RHEB: variants seen among roughly 807,000 people sequenced by gnomAD.
The protein encoded by RHEB is Ras homolog, mTORC1 binding, also known as GTP-binding protein Rheb.
Under a neutral mutation model 28.8 loss-of-function variants are expected in RHEB, and 2 were observed. The ratio of observed to expected loss-of-function variants is 0.07; its 90% CI spans 0.03 to 0.22. The LOEUF is 0.22. Among genes scored for constraint, RHEB ranks in the 10% least tolerant of loss-of-function variants. The probability of loss-of-function intolerance (pLI) is 1.00; values close to 1 mark genes in which losing one functional copy is unlikely to be tolerated. For missense variants in RHEB, 76 were observed against 219.9 expected (o/e 0.35, Z 4.14); for synonymous variants, 69 against 77.3 (o/e 0.89, Z 0.56).
chr7:151,517,724 C>G (rs1485733225), intron 1 of RHEB, among the ~76,000 whole-genome samples: 1 of 151,946 alleles, frequency 6.6e-6, no homozygotes, highest in Non-Finnish European at 1.5e-5. Flanking sequence ...AAAACTAGCC[C>G]TGCTCACCAA....
intron 1 of RHEB, chr7:151,502,770 G>A: frequency 1.3e-6 from 2 of 1,484,900 alleles, no homozygotes; most frequent in South Asian, 2.3e-5. Context: ...ACATAACTAT[G>A]TTCAGAAAGT....
At chr7:151,507,359 T>C (rs1336873045) in intron 1 of RHEB, among the ~76,000 whole-genome samples, 1 of 152,130 alleles carries the variant, frequency 6.6e-6, no homozygotes, top group African/African-American at 2.4e-5. Context: ...GGAGGGGTGA[T>C]ATGTGTTGTA....
intron 3 of RHEB, among the ~76,000 whole-genome samples, chr7:151,482,279 G>T (rs1354576263): frequency 6.6e-6 from 1 of 152,168 alleles, no homozygotes; most frequent in Non-Finnish European, 1.5e-5. Context: ...GGATCTCGCT[G>T]TGTTGCCCAG....
At chr7:151,488,213 A>C (rs913174209) in intron 2 of RHEB, among the ~76,000 whole-genome samples, 1 of 152,254 alleles carries the variant, frequency 6.6e-6, no homozygotes, top group African/African-American at 2.4e-5. Flanking sequence ...GTACACTTGC[A>C]TAAGTAGTAC....
intron 1 of RHEB, among the ~76,000 whole-genome samples, chr7:151,514,348 A>C (rs1803039737): frequency 6.6e-6 from 1 of 152,202 alleles, no homozygotes; most frequent in Non-Finnish European, 1.5e-5. Flanking sequence ...CAAAAGCATA[A>C]GTGGCAGGAG....
At chr7:151,475,829 A>C (rs1788190318) in intron 4 of RHEB, among the ~76,000 whole-genome samples, 1 of 152,260 alleles carries the variant, frequency 6.6e-6, no homozygotes, top group South Asian at 2.1e-4. Flanking sequence ...AATATATATT[A>C]CATGGTAAGT....
rs992590062 is a variant in RHEB at position 151,519,834 on chromosome 7, A to G, written c.-323T>C. ...GACGTTTTACTTTAAAGGCAAAAAA[A>G]GGGGACGCCGCGATGCCCCCAGAAA... is the stretch of plus-strand genomic sequence containing the variant. On this transcript the variant is annotated 5_prime_UTR_variant, in exon 1 of 8. Transcript: ENST00000262187. 2.5e-5 allele frequency: 6 copies of G among 241,640 alleles called. No individual in the cohort carries two copies. The Admixed American group carries it at 2.8e-4, about 11-fold the overall frequency. 15.0% of individuals were successfully genotyped at this position (241,640 alleles called of 1,614,324 possible).
At chr7:151,503,202 A>G in intron 1 of RHEB, 1 of 783,566 alleles carries the variant, frequency 1.3e-6, no homozygotes, top group South Asian at 1.3e-5. Context: ...CTCCAAAGCA[A>G]GAAAAGGATA....
At chr7:151,467,791 T>TCAGCCC (rs1480334971) in intron 7 of RHEB, among the ~76,000 whole-genome samples, 3 of 152,218 alleles carry the variant, frequency 2.0e-5, no homozygotes, top group African/African-American at 7.2e-5. Flanking sequence ...GCCCTCAGCC[T>TCAGCCC]CAGCCCAGGG....
intron 2 of RHEB, among the ~76,000 whole-genome samples, chr7:151,490,301 A>T (rs77770267): frequency 0.065 from 9,921 of 152,248 alleles, 1,015 homozygotes; most frequent in African/African-American, 0.23. Flanking sequence ...ATAAATAAAT[A>T]GTCTCATGGT....
chr7:151,508,634 G>GTTTT (rs35707066), intron 1 of RHEB, among the ~76,000 whole-genome samples: 5 of 142,886 alleles, frequency 3.5e-5, no homozygotes, highest in African/African-American at 7.8e-5. Flanking sequence ...TATATTTTTA[G>GTTTT]TTTTTTTTTT....
intron 3 of RHEB, among the ~76,000 whole-genome samples, chr7:151,484,196 C>T (rs564401954): frequency 6.6e-6 from 1 of 152,238 alleles, no homozygotes; most frequent in East Asian, 1.9e-4. Flanking sequence ...CCCTCTTATG[C>T]CTTTCCTCTA....
At chr7:151,499,613 C>T (rs1170793538) in intron 1 of RHEB, among the ~76,000 whole-genome samples, 1 of 152,146 alleles carries the variant, frequency 6.6e-6, no homozygotes, top group Non-Finnish European at 1.5e-5. Flanking sequence ...TACCACAATC[C>T]CATATTCAAT....
intron 2 of RHEB, among the ~76,000 whole-genome samples, chr7:151,485,226 G>A (rs1312380268): frequency 3.3e-5 from 5 of 152,202 alleles, no homozygotes; most frequent in Non-Finnish European, 5.9e-5. Flanking sequence ...GCTAATATTA[G>A]TTAAGTGCTA....
intron 3 of RHEB, among the ~76,000 whole-genome samples, chr7:151,482,961 C>T (rs1802404022): frequency 6.6e-6 from 1 of 152,188 alleles, no homozygotes; most frequent in South Asian, 2.1e-4. Context: ...AGCCCCAACT[C>T]CTATTCTTCT....
intron 1 of RHEB, chr7:151,498,222 A>C: frequency 9.2e-7 from 1 of 1,085,606 alleles, no homozygotes; most frequent in Non-Finnish European, 1.2e-6. Context: ...AAAGTACTGG[A>C]GGCAATTAAG....
At chr7:151,473,154 G>A (rs1018826104) in intron 4 of RHEB, among the ~76,000 whole-genome samples, 1 of 152,218 alleles carries the variant, frequency 6.6e-6, no homozygotes, top group Non-Finnish European at 1.5e-5. Context: ...GTGATGGAAT[G>A]TCCCTTTTGC....
chr7:151,483,421 A>G (rs1278225882), intron 3 of RHEB, among the ~76,000 whole-genome samples: 2 of 152,160 alleles, frequency 1.3e-5, no homozygotes, highest in East Asian at 1.9e-4. Flanking sequence ...TCCTTTGATT[A>G]TAAGTTGCAA....
Position 151,472,382 on chromosome 7 carries a change from TG to T in RHEB, c.276-778del, listed in dbSNP as rs1442449731. ...GCTCAGCACAGCAACCAGAGGACTC[TG>T]CTGCAGCAGATGGACGGTGCCTGGT... On this transcript the variant is annotated intron_variant, in intron 4 of 7. Transcript: ENST00000262187. The surrounding 1 kb of genome is among the most constrained non-coding windows in gnomAD (Gnocchi z 5.2). 6.6e-6 allele frequency among the ~76,000 whole-genome samples: 1 copy of T among 152,144 alleles called. No individual in the cohort carries two copies. Among genetic ancestry groups the T allele is most frequent in the Non-Finnish European group, 1.5e-5 (1 of 68,022 alleles).
Sources: gnomAD v4.1 joint callset for allele counts (sites outside exome capture counted in the v4.1 genomes callset) on GRCh38, gnomAD v4.1.1 for gene constraint, Gnocchi (gnomAD v3.1) non-coding constraint, MANE v1.5 for transcripts, NCBI Gene and HGNC (gene_info 2026-07-23, HGNC 2026-07-21) for gene names.